CPS1: variants seen among roughly 807,000 people sequenced by gnomAD.
CPS1 encodes carbamoyl-phosphate synthase [ammonia], mitochondrial.
Under a neutral mutation model 174.6 loss-of-function variants are expected in CPS1, and 109 were observed. That is an observed-to-expected ratio of 0.62 (90% CI 0.53 to 0.73). The LOEUF is 0.73. CPS1 is among the 30% of genes least tolerant of loss of function. The pLI is 0.00. For missense variants in CPS1, 1,689 were observed against 1,821.9 expected, an observed-to-expected ratio of 0.93 and a Z score of 1.33; for synonymous variants, 637 against 632.0, an observed-to-expected ratio of 1.01 and a Z score of -0.12.
chr2:210,511,879 C>T (rs1334012789), intron 1 of CPS1, among the ~76,000 whole-genome samples: 1 of 152,088 alleles, frequency 6.6e-6, no homozygotes, highest in Admixed American at 6.6e-5. Flanking sequence ...TTTCAATAAT[C>T]TTCAATAAAT....
chr2:210,570,605 T>G lies in CPS1; in HGVS notation c.127-2693T>G, dbSNP rs563094412. 2.0e-5 allele frequency among the ~76,000 whole-genome samples: 3 copies of G among 152,090 alleles called. No individual in the cohort carries two copies. The East Asian group carries it at 5.8e-4, about 29-fold the overall frequency. ...GATAAACTGATATGTAGAAAACTAT[T>G]GAAATTTACAGTCTACACTCAAATT... On this transcript the variant is annotated intron_variant, in intron 1 of 37. Transcript: ENST00000233072.
intron 1 of CPS1, among the ~76,000 whole-genome samples, chr2:210,522,151 G>A (rs1432155657): frequency 2.0e-5 from 3 of 151,878 alleles, no homozygotes; most frequent in Admixed American, 6.6e-5. Flanking sequence ...CTTCACATGC[G>A]AGTGTTGAAT....
chr2:210,486,867 C>T (rs1013575101), intron 1 of CPS1, among the ~76,000 whole-genome samples: 1 of 152,170 alleles, frequency 6.6e-6, no homozygotes, highest in Non-Finnish European at 1.5e-5. Context: ...GCCTTCCTCA[C>T]ACTCTGGCTT....
chr2:210,645,324 A>G (rs1213984524), intron 25 of CPS1, among the ~76,000 whole-genome samples: 4 of 151,582 alleles, frequency 2.6e-5, no homozygotes, highest in South Asian at 4.2e-4. Flanking sequence ...CTTTTCTACT[A>G]CTTTCCAAAA....
chr2:210,586,781 C>A (rs1175146582), intron 6 of CPS1, among the ~76,000 whole-genome samples: 1 of 151,968 alleles, frequency 6.6e-6, no homozygotes, highest in Non-Finnish European at 1.5e-5. Context: ...AATGTCAGTG[C>A]AATTAAATAA....
intron 21 of CPS1, among the ~76,000 whole-genome samples, chr2:210,637,354 CT>C (rs1405448721): frequency 3.3e-5 from 5 of 152,066 alleles, no homozygotes; most frequent in Non-Finnish European, 7.4e-5. Flanking sequence ...AAAATGAAAA[CT>C]GAAAAAGGGC....
chr2:210,653,644 A>G (rs1367822270), intron 28 of CPS1, among the ~76,000 whole-genome samples: 1 of 152,182 alleles, frequency 6.6e-6, no homozygotes, highest in African/African-American at 2.4e-5. Flanking sequence ...AGAAAGAAAT[A>G]TTCTGAACCA....
At chr2:210,584,603 T>G (rs960087235) in intron 6 of CPS1, among the ~76,000 whole-genome samples, 2 of 152,056 alleles carry the variant, frequency 1.3e-5, no homozygotes, top group African/African-American at 4.8e-5. Flanking sequence ...ACAACCAAGC[T>G]TTTTTGAACA....
At chr2:210,561,559 A>T (rs181593965) in intron 1 of CPS1, among the ~76,000 whole-genome samples, 1 of 152,294 alleles carries the variant, frequency 6.6e-6, no homozygotes, top group East Asian at 1.9e-4. Flanking sequence ...TGCTGTAGAA[A>T]GTTTTCAGTA....
Position 210,668,299 on chromosome 2 carries a change from G to C in CPS1, c.4101+15G>C, listed in dbSNP as rs748071590. ...TAGGCATCCAGGTAAGTGGTTTGTG[G>C]CTGTGTGCTTGCCCATGGTCATACA... On this transcript the variant is annotated intron_variant, in intron 34 of 37. Transcript: ENST00000233072. The C allele has an allele frequency of 1.3e-6, 2 of 1,568,662 alleles. No homozygotes were observed. The highest frequency in any genetic ancestry group is 2.2e-5 in the South Asian group (2 of 90,164).
At chr2:210,659,921 A>T (rs1008563016) in intron 31 of CPS1, among the ~76,000 whole-genome samples, 1 of 152,302 alleles carries the variant, frequency 6.6e-6, no homozygotes, top group African/African-American at 2.4e-5. Flanking sequence ...TGGATCTCGC[A>T]AAACGGTTGG....
chr2:210,521,519 A>G (rs758787684), intron 1 of CPS1, among the ~76,000 whole-genome samples: 7 of 151,908 alleles, frequency 4.6e-5, no homozygotes, highest in Admixed American at 6.6e-5. Flanking sequence ...CTGTTAAAAA[A>G]TTATTTTTCT....
intron 1 of CPS1, among the ~76,000 whole-genome samples, chr2:210,541,123 G>A (rs928636355): frequency 5.3e-5 from 8 of 152,016 alleles, no homozygotes; most frequent in Non-Finnish European, 1.0e-4. Context: ...TCAGATCATC[G>A]GGAGTGCACT....
chr2:210,499,886 G>T (rs1183953363), intron 1 of CPS1, among the ~76,000 whole-genome samples: 7 of 151,954 alleles, frequency 4.6e-5, no homozygotes, highest in Non-Finnish European at 1.0e-4. Flanking sequence ...CAATATCAGG[G>T]GATTCGTGTT....
intron 1 of CPS1, among the ~76,000 whole-genome samples, chr2:210,507,122 A>G (rs1349779194): frequency 6.6e-6 from 1 of 152,244 alleles, no homozygotes; most frequent in Non-Finnish European, 1.5e-5. Flanking sequence ...AAGGGCAGCC[A>G]GAGAGAAAGG....
intron 1 of CPS1, among the ~76,000 whole-genome samples, chr2:210,506,834 A>T (rs1401016504): frequency 1.3e-5 from 2 of 152,228 alleles, no homozygotes; most frequent in Non-Finnish European, 2.9e-5. Context: ...AGAAAAAAGA[A>T]TAAAAAGAAA....
At chr2:210,565,290 T>C (rs989756346) in intron 1 of CPS1, among the ~76,000 whole-genome samples, 2 of 152,124 alleles carry the variant, frequency 1.3e-5, no homozygotes, top group African/African-American at 2.4e-5. Context: ...TAATTTAATC[T>C]TTAATTTTTA....
At chr2:210,522,324 C>T (rs1024344163) in intron 1 of CPS1, among the ~76,000 whole-genome samples, 2 of 151,856 alleles carry the variant, frequency 1.3e-5, no homozygotes, top group Admixed American at 6.6e-5. Flanking sequence ...TTGATAAAGT[C>T]CAATTTATCA....
chr2:210,492,148 C>T (rs998712285), intron 1 of CPS1, among the ~76,000 whole-genome samples: 2 of 152,202 alleles, frequency 1.3e-5, no homozygotes. Flanking sequence ...ACCATGTTAT[C>T]ATTATATAAC....
Sources: allele counts gnomAD v4.1 joint callset (sites outside exome capture counted in the v4.1 genomes callset), GRCh38; gene constraint gnomAD v4.1.1; transcripts MANE v1.5; gene names NCBI Gene and HGNC (gene_info 2026-07-23, HGNC 2026-07-21).